NFIX: variants seen among roughly 807,000 people sequenced by gnomAD.
NFIX encodes the protein nuclear factor I X.
A neutral mutation model predicts 53.3 loss-of-function variants in NFIX; 2 were observed. The ratio of observed to expected loss-of-function variants is 0.04; its 90% confidence interval spans 0.02 to 0.12. The LOEUF (loss-of-function observed/expected upper bound fraction) is 0.12, where lower values mean the gene tolerates loss of function less well. Ranked by LOEUF, NFIX falls within the 10% of genes least tolerant of loss-of-function variation. The pLI is 1.00. For synonymous variants in NFIX, 244 were observed against 289.0 expected, an observed-to-expected ratio of 0.84 and a Z score of 1.58; for missense variants, 310 against 674.5, an observed-to-expected ratio of 0.46 and a Z score of 5.99.
At position 13,006,282 on chromosome 19, in the gene NFIX, A is replaced by C. The variant is rs1230365348; in HGVS notation, c.27+10418A>C. On this transcript the variant is annotated intron_variant, in intron 1 of 10. Coordinates refer to ENST00000592199, the MANE Select transcript of NFIX (RefSeq NM_001365902.3). The surrounding 1 kb of genome is among the most constrained non-coding windows in gnomAD (Gnocchi z 5.6). Reference sequence around the variant, plus strand: ...CCTTGCTATAGCTCAAGTGCAGCCCACCAGGCCCCTTTCTCTCTCCAGGGG... The same window carrying C: ...CCTTGCTATAGCTCAAGTGCAGCCCCCCAGGCCCCTTTCTCTCTCCAGGGG... 1.3e-5 allele frequency among the ~76,000 whole-genome samples: 2 copies of C among 152,190 alleles called. No individual in the cohort carries two copies. The highest frequency in any genetic ancestry group is 2.9e-5 in the Non-Finnish European group (2 of 68,026).
chr19:13,063,546 T>G (rs1311929682), intron 2 of NFIX, among the ~76,000 whole-genome samples: 1 of 152,138 alleles, frequency 6.6e-6, no homozygotes, highest in African/African-American at 2.4e-5. Flanking sequence ...TTGTCCCCTT[T>G]CCCTGCCTCT....
At chr19:13,058,691 C>CA (rs1002173901) in intron 2 of NFIX, among the ~76,000 whole-genome samples, 1 of 151,004 alleles carries the variant, frequency 6.6e-6, no homozygotes, top group Non-Finnish European at 1.5e-5. Context: ...GACCCTGTCT[C>CA]AAAAAAAGCA....
rs981984524 is a variant in NFIX at position 13,052,078 on chromosome 19, G to A, written c.560-20969G>A. ...CTGCTTGCAGGATTTGGGACCAAAC[G>A]CCCTCAGGCATCCAGGTGGTGCCCG... On this transcript the variant is annotated intron_variant, in intron 2 of 10. Coordinates refer to ENST00000592199, the MANE Select transcript of NFIX (RefSeq NM_001365902.3). The surrounding 1 kb of genome is among the most constrained non-coding windows in gnomAD (Gnocchi z 5.2). Among the ~76,000 whole-genome samples, 1 of 152,116 alleles carries A rather than the reference G, an allele frequency of 6.6e-6. No individual in the cohort carries two copies. The highest frequency in any genetic ancestry group is 1.5e-5 in the Non-Finnish European group (1 of 68,024).
chr19:13,064,256 C>T (rs1234852956), intron 2 of NFIX, among the ~76,000 whole-genome samples: 1 of 152,224 alleles, frequency 6.6e-6, no homozygotes, highest in Non-Finnish European at 1.5e-5. Flanking sequence ...AATGCTGGCT[C>T]CAGCTGCCGG....
At chr19:13,039,226 C>A (rs886867586) in intron 2 of NFIX, among the ~76,000 whole-genome samples, 2 of 143,314 alleles carry the variant, frequency 1.4e-5, no homozygotes, top group African/African-American at 2.9e-5. Context: ...AAACACCCCC[C>A]CCCACACACA....
intron 8 of NFIX, among the ~76,000 whole-genome samples, chr19:13,083,055 TCCTCGTCTC>T (rs2017565244): frequency 1.3e-5 from 2 of 152,196 alleles, no homozygotes; most frequent in South Asian, 4.1e-4. Flanking sequence ...GCTCCTTTCC[TCCTCGTCTC>T]CCTTCTCCCT....
At position 13,089,796 on chromosome 19, in the gene NFIX, G is replaced by A. The variant is rs1175997643; in HGVS notation, c.1403-503G>A. Among the ~76,000 whole-genome samples, 7 of 152,108 alleles carry A rather than the reference G, an allele frequency of 4.6e-5. No homozygotes were observed. The highest frequency in any genetic ancestry group is 7.2e-5 in the African/African-American group (3 of 41,430). On this transcript the variant is annotated intron_variant, in intron 9 of 10. Transcript: ENST00000592199. The surrounding 1 kb of genome is among the most constrained non-coding windows in gnomAD (Gnocchi z 4.8). ...GTAGCCTGGCTGGGAAGGCCTTCCCGAAGCAGGGTGGGGCCGGACTGCCAA... is the reference window on the plus strand; with the variant it reads ...GTAGCCTGGCTGGGAAGGCCTTCCCAAAGCAGGGTGGGGCCGGACTGCCAA...
intron 2 of NFIX, among the ~76,000 whole-genome samples, chr19:13,041,211 T>C (rs1429434261): frequency 6.6e-6 from 1 of 152,210 alleles, no homozygotes; most frequent in Non-Finnish European, 1.5e-5. Flanking sequence ...AGGGGCTTAG[T>C]TTCACGATCA....
chr19:13,040,356 T>C lies in NFIX; in HGVS notation c.559+14804T>C, dbSNP rs1423978199. 1.3e-5 allele frequency among the ~76,000 whole-genome samples: 2 copies of C among 152,168 alleles called. No individual in the cohort carries two copies. The highest frequency in any genetic ancestry group is 2.9e-5 in the Non-Finnish European group (2 of 68,034). ...AAAGCACACAGCCCCCCAGAGGCCA[T>C]GTCCTCTCCAGACTTGGTCTGCGGA... On this transcript the variant is annotated intron_variant, in intron 2 of 10. Transcript: ENST00000592199. This position sits in a 1 kb window ranked among gnomAD's most constrained non-coding sequence, Gnocchi z 4.2.
rs2018069963 is a variant in NFIX, at chr19:13,090,539, A to C, written c.1494+149A>C. ...GGGGCTGGAGGGCCCAGGCTTTTGCACGCCCAGCTGAGCCTGTCTCCCCAG... is the reference window on the plus strand; with the variant it reads ...GGGGCTGGAGGGCCCAGGCTTTTGCCCGCCCAGCTGAGCCTGTCTCCCCAG... On this transcript the variant is annotated intron_variant, in intron 10 of 10. Coordinates refer to ENST00000592199, the MANE Select transcript of NFIX (RefSeq NM_001365902.3). The surrounding 1 kb of genome is among the most constrained non-coding windows in gnomAD (Gnocchi z 6.6). The C allele has an allele frequency of 2.6e-6, 2 of 763,782 alleles. No individual in the cohort carries two copies. The highest frequency in any genetic ancestry group is 4.5e-6 in the Non-Finnish European group (2 of 445,582). The allele number at this position is 763,782 out of a possible 1,614,324, so 47.3% of individuals were successfully genotyped here.
chr19:13,083,956 C>T (rs369496487), intron 8 of NFIX, among the ~76,000 whole-genome samples: 11 of 152,348 alleles, frequency 7.2e-5, no homozygotes, highest in South Asian at 6.2e-4. Context: ...ACTTGGCATG[C>T]GCGAGAGTCA....
intron 2 of NFIX, among the ~76,000 whole-genome samples, chr19:13,047,241 T>TC (rs939830036): frequency 6.6e-5 from 10 of 152,040 alleles, no homozygotes; most frequent in African/African-American, 2.2e-4. Context: ...TTTCTTTCTT[T>TC]TTTTTTTTAA....
intron 1 of NFIX, among the ~76,000 whole-genome samples, chr19:13,018,803 G>A (rs2012808333): frequency 6.6e-6 from 1 of 152,244 alleles, no homozygotes; most frequent in Non-Finnish European, 1.5e-5. Flanking sequence ...GTAATCTTGG[G>A]ACAAGGTGGG....
At position 13,073,086 on chromosome 19, in the gene NFIX, C is replaced by T. The variant is rs762778783; in HGVS notation, c.599C>T (p.Ala200Val). 7 of 1,613,886 alleles carry T rather than the reference C, an allele frequency of 4.3e-6. No homozygotes were observed. In the African/African-American group the frequency reaches 5.3e-5, roughly 12 times the overall value. ...GATAGTTCAAACCAGCAAGGAGATG[C>T]GGACATCAAACCACTGCCCAACGGT... Reference protein sequence around the residue: ...QSDSSNQQGDADIKPLPNGHL... With the variant: ...QSDSSNQQGDVDIKPLPNGHL... The change falls in exon 3 of 11, where the codon GCG becomes GTG. Residue 200 changes from alanine (A) to valine (V), a missense_variant. By Grantham distance (64) the Ala-to-Val change is moderately conservative. Coordinates refer to ENST00000592199, the MANE Select transcript of NFIX (RefSeq NM_001365902.3). This position sits in a 1 kb window ranked among gnomAD's most constrained non-coding sequence, Gnocchi z 4.5.
chr19:13,024,450 G>A, intron 1 of NFIX: 2 of 1,454,810 alleles, frequency 1.4e-6, no homozygotes, highest in Non-Finnish European at 1.8e-6. Flanking sequence ...AGGGAAGCCT[G>A]ATCTGTTTCC....
chr19:13,059,754 T>TC (rs1261658596), intron 2 of NFIX, among the ~76,000 whole-genome samples: 2 of 147,990 alleles, frequency 1.4e-5, no homozygotes, highest in African/African-American at 2.5e-5. Flanking sequence ...TTTTTTTTTT[T>TC]CTAATTTGAT....
At chr19:13,091,843 C>T (rs2145523909) in intron 10 of NFIX, among the ~76,000 whole-genome samples, 1 of 152,384 alleles carries the variant, frequency 6.6e-6, no homozygotes, top group East Asian at 1.9e-4. Flanking sequence ...AGGACCACTG[C>T]CACGAGCCGT....
intron 2 of NFIX, among the ~76,000 whole-genome samples, chr19:13,061,572 C>T (rs2016092562): frequency 6.6e-6 from 1 of 152,200 alleles, no homozygotes; most frequent in South Asian, 2.1e-4. Flanking sequence ...AGGAGTGCAG[C>T]GCTTCGCTCC....
chr19:13,092,461 T>C (rs946789745), intron 10 of NFIX, among the ~76,000 whole-genome samples: 2 of 152,302 alleles, frequency 1.3e-5, no homozygotes. Flanking sequence ...GACCCCCCAG[T>C]CTGAGCATTG....
Sources: allele counts gnomAD v4.1 joint callset (sites outside exome capture counted in the v4.1 genomes callset), GRCh38; gene constraint gnomAD v4.1.1; non-coding constraint Gnocchi (gnomAD v3.1); transcripts MANE v1.5; gene names NCBI Gene and HGNC (gene_info 2026-07-23, HGNC 2026-07-21).